FAT3: variants seen among roughly 807,000 people sequenced by gnomAD.
The protein encoded by FAT3 is FAT atypical cadherin 3.
In FAT3, 95 loss-of-function variants were observed where a neutral mutation model predicts 310.2. The observed-to-expected ratio is 0.31, with a 90% confidence interval of 0.26 to 0.36. The LOEUF (loss-of-function observed/expected upper bound fraction) is 0.36. Ranked by LOEUF, FAT3 falls within the 10% of genes least tolerant of loss-of-function variation. The probability of loss-of-function intolerance (pLI) is 1.00; values close to 1 mark genes in which losing one functional copy is unlikely to be tolerated. For missense variants in FAT3, 5,408 were observed against 5,715.6 expected (o/e 0.95, Z 1.74); for synonymous variants, 2,314 against 2,192.9 (o/e 1.06, Z -1.54).
chr11:92,474,404 T>G, intron 2 of FAT3, among the ~76,000 whole-genome samples: 1 of 152,180 alleles, frequency 6.6e-6, no homozygotes. Flanking sequence ...CTCAAGCCAC[T>G]GCACCTAAAA....
chr11:92,867,186 G>A lies in FAT3; in HGVS notation c.12104G>A (p.Ser4035Asn), dbSNP rs1010231430. 3.8e-6 allele frequency: 6 copies of A among 1,584,322 alleles called. No homozygotes were observed. Among genetic ancestry groups the A allele is most frequent in the Admixed American group, 3.5e-5 (2 of 56,584 alleles). The change falls in exon 22 of 28, where the codon AGC (serine) becomes AAC (asparagine). Residue 4035 changes from serine (S) to asparagine (N), a missense_variant. Physicochemically the swap from Ser to Asn is conservative, Grantham distance 46. Coordinates refer to ENST00000525166, the MANE Select transcript of FAT3 (RefSeq NM_001367949.2). ...CGCAGCCCGTGCCAGCACGGGGGCAGCTGCACTGGCCTGCCATCGGGGGGT... is the reference window on the plus strand; with the variant it reads ...CGCAGCCCGTGCCAGCACGGGGGCAACTGCACTGGCCTGCCATCGGGGGGT... ...CKRSPCQHGGSCTGLPSGGYQ... is the reference protein window; with the variant it reads ...CKRSPCQHGGNCTGLPSGGYQ...
rs181080962 is a variant in FAT3, at chr11:92,891,054, C to G, written c.13711C>G (p.Leu4571Val). ...AMSDYESVGE[L>V]SLASLHIPFV... ...GAGTGACTACGAGAGCGTGGGAGAG[C>G]TCAGCCTCGCCAGCCTTCACATTCC... The change falls in exon 28 of 28, where the codon CTC becomes GTC. Residue 4571 changes from leucine (L) to valine (V), a missense_variant. Transcript: ENST00000525166. 9.6e-5 allele frequency: 155 copies of G among 1,613,826 alleles called. No individual in the cohort carries two copies. The Admixed American group carries it at 1.0e-3, about 10-fold the overall frequency.
At chr11:92,273,019 C>A (rs1946169717) in intron 1 of FAT3, among the ~76,000 whole-genome samples, 1 of 152,084 alleles carries the variant, frequency 6.6e-6, no homozygotes, top group African/African-American at 2.4e-5. Flanking sequence ...ATAGCTCTTT[C>A]AACTAGGTTG....
At chr11:92,803,896 C>T (rs1219420666) in intron 10 of FAT3, among the ~76,000 whole-genome samples, 1 of 152,222 alleles carries the variant, frequency 6.6e-6, no homozygotes, top group Non-Finnish European at 1.5e-5. Flanking sequence ...TCCACTGTGG[C>T]TTGCCCCCAC....
At chr11:92,515,676 TG>T (rs1953457345) in intron 2 of FAT3, among the ~76,000 whole-genome samples, 1 of 152,072 alleles carries the variant, frequency 6.6e-6, no homozygotes, top group Admixed American at 6.6e-5. Flanking sequence ...ATCTGTCAAA[TG>T]GGGATAAATA....
intron 9 of FAT3, among the ~76,000 whole-genome samples, chr11:92,797,382 TC>T (rs1194831126): frequency 6.6e-6 from 1 of 152,220 alleles, no homozygotes; most frequent in East Asian, 1.9e-4. Context: ...CTGAAACTAT[TC>T]CCACAACCCT....
At chr11:92,711,079 T>G (rs758042812) in intron 4 of FAT3, among the ~76,000 whole-genome samples, 4 of 152,178 alleles carry the variant, frequency 2.6e-5, no homozygotes, top group Non-Finnish European at 4.4e-5. Context: ...TAAAAACATT[T>G]AATAATATTC....
At chr11:92,820,990 C>G (rs962027688) in intron 13 of FAT3, among the ~76,000 whole-genome samples, 1 of 152,280 alleles carries the variant, frequency 6.6e-6, no homozygotes, top group Non-Finnish European at 1.5e-5. Context: ...TGGGAAGGAG[C>G]AGTGCATCTG....
chr11:92,229,795 CTTTTT>C (rs375129999), intron 1 of FAT3, among the ~76,000 whole-genome samples: 1 of 107,918 alleles, frequency 9.3e-6, no homozygotes, highest in African/African-American at 3.4e-5. Flanking sequence ...GATTTTTTTT[CTTTTT>C]TTTTTTTTTT....
chr11:92,225,765 C>T (rs1311214462), intron 1 of FAT3, among the ~76,000 whole-genome samples: 1 of 152,072 alleles, frequency 6.6e-6, no homozygotes, highest in Non-Finnish European at 1.5e-5. Context: ...GCTTGCGGGG[C>T]TTGTGGTCAG....
At chr11:92,869,230 T>A (rs1301461077) in intron 22 of FAT3, among the ~76,000 whole-genome samples, 1 of 152,246 alleles carries the variant, frequency 6.6e-6, no homozygotes, top group Non-Finnish European at 1.5e-5. Context: ...CTACTACCTC[T>A]GTTCTCTGTT....
In FAT3 at chr11:92,891,577, G is replaced by A. The variant is rs569295432; in HGVS notation, c.*464G>A. 1.1e-4 allele frequency: 18 copies of A among 165,808 alleles called. No homozygotes were observed. In the South Asian group the frequency reaches 1.1e-3, roughly 10 times the overall value. 10.3% of individuals were successfully genotyped at this position (165,808 alleles called of 1,614,324 possible). A position where few individuals can be genotyped will look rare whatever the true frequency, so the allele number is the denominator to read the frequency against. ...TGTTGGAAAAGTTAGTCTCTTAGGC[G>A]AAAGAGAAGAGAAACAAATATTATT... On this transcript the variant is annotated 3_prime_UTR_variant, in exon 28 of 28. Coordinates refer to ENST00000525166, the MANE Select transcript of FAT3 (RefSeq NM_001367949.2).
In FAT3 at chr11:92,764,898, G is replaced by A; in HGVS notation, c.4004G>A (p.Gly1335Glu). The A allele has an allele frequency of 1.2e-6, 2 of 1,613,530 alleles. No individual in the cohort carries two copies. The highest frequency in any genetic ancestry group is 1.7e-6 in the Non-Finnish European group (2 of 1,179,702). The change falls in exon 6 of 28, where the codon GGG becomes GAG. Residue 1335 changes from glycine to glutamate, a missense_variant. By Grantham distance (98) the Gly-to-Glu change is moderately conservative. Coordinates refer to ENST00000525166, the MANE Select transcript of FAT3 (RefSeq NM_001367949.2). ...DILTIKAVDN[G>E]RPQKSSTARL... ...GAGTAGATAAAGGCAGTGGACAATG[G>A]GCGCCCACAGAAATCCTCCACGGCC...
intron 1 of FAT3, among the ~76,000 whole-genome samples, chr11:92,285,413 G>A (rs1591053863): frequency 1.3e-5 from 2 of 152,268 alleles, no homozygotes; most frequent in South Asian, 2.1e-4. Flanking sequence ...GGAAAAAAGC[G>A]AATATGCTGT....
At chr11:92,806,142 G>A (rs1434998668) in intron 11 of FAT3, among the ~76,000 whole-genome samples, 2 of 152,164 alleles carry the variant, frequency 1.3e-5, no homozygotes, top group African/African-American at 4.8e-5. Context: ...TATAGTGGAT[G>A]CTCAATAAAT....
At chr11:92,885,078 C>A (rs1349709765) in intron 24 of FAT3, among the ~76,000 whole-genome samples, 1 of 152,154 alleles carries the variant, frequency 6.6e-6, no homozygotes, top group Non-Finnish European at 1.5e-5. Context: ...CCAAGGAGGA[C>A]ACAGGCTAAA....
intron 1 of FAT3, among the ~76,000 whole-genome samples, chr11:92,294,522 G>A (rs1039875811): frequency 1.3e-5 from 2 of 152,048 alleles, no homozygotes; most frequent in Non-Finnish European, 2.9e-5. Context: ...TGTAGGACAA[G>A]CTAGAGAAGG....
intron 1 of FAT3, among the ~76,000 whole-genome samples, chr11:92,301,008 T>G (rs1016353246): frequency 1.3e-5 from 2 of 152,174 alleles, no homozygotes; most frequent in Non-Finnish European, 2.9e-5. Context: ...TGACCTTTCA[T>G]GGAGTTTTTC....
intron 2 of FAT3, among the ~76,000 whole-genome samples, chr11:92,411,681 A>G (rs1014912666): frequency 6.6e-6 from 1 of 152,128 alleles, no homozygotes; most frequent in African/African-American, 2.4e-5. Flanking sequence ...CCCTGCAGGA[A>G]AGCAAAGTTC....
Sources: allele counts gnomAD v4.1 joint callset (sites outside exome capture counted in the v4.1 genomes callset), GRCh38; gene constraint gnomAD v4.1.1; transcripts MANE v1.5; gene names NCBI Gene and HGNC (gene_info 2026-07-23, HGNC 2026-07-21).